CDH12: variants seen among roughly 807,000 people sequenced by gnomAD.
CDH12 encodes cadherin-12.
CDH12 carries 41 observed loss-of-function variants against 74.1 expected under a neutral mutation model. That is an observed-to-expected ratio of 0.55 (90% CI 0.43 to 0.72). The LOEUF is 0.72. CDH12 is among the 30% of genes least tolerant of loss of function. The probability of loss-of-function intolerance (pLI) is 0.00; values close to 1 mark genes in which losing one functional copy is unlikely to be tolerated. For missense variants in CDH12, 945 were observed against 977.2 expected (o/e 0.97, Z 0.44); for synonymous variants, 399 against 355.0 (o/e 1.12, Z -1.39).
chr5:22,735,214 A>G lies in CDH12; in HGVS notation c.-523+117844T>C, dbSNP rs75644237. Among the ~76,000 whole-genome samples the G allele has an allele frequency of 4.9e-3, 739 of 152,052 alleles. 4 individuals are homozygous for G. Among genetic ancestry groups the G allele is most frequent in the African/African-American group, 0.017 (706 of 41,538 alleles). ...ACCTATGTGATATGTGTAGCCGTACATTAAATGTGTGGCTATAGGAGCAGT... is the reference window on the plus strand; with the variant it reads ...ACCTATGTGATATGTGTAGCCGTACGTTAAATGTGTGGCTATAGGAGCAGT... On this transcript the variant is annotated intron_variant, in intron 1 of 14. Transcript: ENST00000382254.
At chr5:22,824,621 T>G (rs1466810312) in intron 1 of CDH12, among the ~76,000 whole-genome samples, 1 of 151,862 alleles carries the variant, frequency 6.6e-6, no homozygotes, top group Admixed American at 6.6e-5. Context: ...TAGTCAGGGA[T>G]TTTTAAAAAT....
chr5:22,375,132 C>T (rs1741465602), intron 3 of CDH12, among the ~76,000 whole-genome samples: 1 of 151,936 alleles, frequency 6.6e-6, no homozygotes. Flanking sequence ...AATAAAGAGT[C>T]CAGAAATAGA....
At chr5:22,560,654 C>A (rs1266498024) in intron 1 of CDH12, among the ~76,000 whole-genome samples, 1 of 151,366 alleles carries the variant, frequency 6.6e-6, no homozygotes, top group Non-Finnish European at 1.5e-5. Context: ...AAATCATTTC[C>A]ACCAAGAATT....
At chr5:22,492,602 C>T (rs1746927305) in intron 2 of CDH12, among the ~76,000 whole-genome samples, 1 of 152,144 alleles carries the variant, frequency 6.6e-6, no homozygotes, top group South Asian at 2.1e-4. Flanking sequence ...ATGCCTCAGC[C>T]TCCCAAAGTG....
intron 5 of CDH12, among the ~76,000 whole-genome samples, chr5:22,035,602 A>C (rs184316951): frequency 6.6e-6 from 1 of 152,022 alleles, no homozygotes. Flanking sequence ...AAATTAGAAT[A>C]TCAATCATCA....
At chr5:22,443,156 A>G (rs187183283) in intron 2 of CDH12, among the ~76,000 whole-genome samples, 5 of 152,298 alleles carry the variant, frequency 3.3e-5, no homozygotes, top group African/African-American at 1.2e-4. Flanking sequence ...CTTCTCAATC[A>G]AAGTAAGAGT....
chr5:22,661,706 A>T (rs1005719799), intron 1 of CDH12, among the ~76,000 whole-genome samples: 3 of 152,114 alleles, frequency 2.0e-5, no homozygotes, highest in Non-Finnish European at 2.9e-5. Flanking sequence ...ATGTAACACC[A>T]TTCCTCAATT....
intron 1 of CDH12, among the ~76,000 whole-genome samples, chr5:22,565,651 G>A (rs1323388840): frequency 6.6e-6 from 1 of 151,858 alleles, no homozygotes; most frequent in African/African-American, 2.4e-5. Context: ...ATCCTCTTGG[G>A]GGTATTTGCC....
chr5:21,793,977 CTT>C (rs986543335), intron 10 of CDH12, among the ~76,000 whole-genome samples: 1 of 150,420 alleles, frequency 6.6e-6, no homozygotes, highest in Admixed American at 6.7e-5. Flanking sequence ...GTTTCATATA[CTT>C]TGTGCAAAAT....
chr5:22,222,310 G>T (rs371103306), intron 3 of CDH12, among the ~76,000 whole-genome samples: 3 of 152,018 alleles, frequency 2.0e-5, no homozygotes, highest in South Asian at 4.1e-4. Context: ...ATTTAGTAAA[G>T]TTCTCTCCAA....
At chr5:22,586,652 T>G (rs1740418629) in intron 1 of CDH12, among the ~76,000 whole-genome samples, 1 of 151,910 alleles carries the variant, frequency 6.6e-6, no homozygotes, top group African/African-American at 2.4e-5. Flanking sequence ...TCTCATTTTC[T>G]CCTTCACACC....
At chr5:22,256,644 A>G (rs756619420) in intron 3 of CDH12, among the ~76,000 whole-genome samples, 4 of 152,160 alleles carry the variant, frequency 2.6e-5, no homozygotes, top group Non-Finnish European at 4.4e-5. Context: ...TGCCAGCTCC[A>G]TGACTATTAC....
intron 6 of CDH12, among the ~76,000 whole-genome samples, chr5:21,910,628 G>A (rs1221070753): frequency 2.0e-5 from 3 of 151,894 alleles, no homozygotes; most frequent in Non-Finnish European, 2.9e-5. Context: ...CAAAAGAAGT[G>A]GGAACATGTG....
At chr5:22,746,605 A>G (rs980865813) in intron 1 of CDH12, among the ~76,000 whole-genome samples, 1 of 152,232 alleles carries the variant, frequency 6.6e-6, no homozygotes, top group Admixed American at 6.5e-5. Flanking sequence ...TTTAGGATAA[A>G]TGCAATATAT....
intron 1 of CDH12, among the ~76,000 whole-genome samples, chr5:22,736,160 A>C (rs1744708849): frequency 6.6e-6 from 1 of 151,856 alleles, no homozygotes; most frequent in Non-Finnish European, 1.5e-5. Context: ...TTTTGTATGC[A>C]AGAATAAAAA....
At chr5:22,022,941 G>C (rs191832974) in intron 5 of CDH12, among the ~76,000 whole-genome samples, 1 of 151,386 alleles carries the variant, frequency 6.6e-6, no homozygotes, top group East Asian at 1.9e-4. Flanking sequence ...TAATCTAACT[G>C]GTTTCCCTTC....
At chr5:22,245,490 G>A (rs1443683671) in intron 3 of CDH12, among the ~76,000 whole-genome samples, 3 of 151,980 alleles carry the variant, frequency 2.0e-5, no homozygotes, top group Non-Finnish European at 4.4e-5. Context: ...GATAGTAAGC[G>A]ATAGATGCTA....
At chr5:22,668,243 A>G (rs1740719382) in intron 1 of CDH12, among the ~76,000 whole-genome samples, 1 of 152,194 alleles carries the variant, frequency 6.6e-6, no homozygotes, top group Admixed American at 6.5e-5. Context: ...CTCATTGAAG[A>G]AACAATGTCC....
intron 2 of CDH12, among the ~76,000 whole-genome samples, chr5:22,435,675 G>A (rs1561402349): frequency 6.6e-6 from 1 of 151,968 alleles, no homozygotes; most frequent in Non-Finnish European, 1.5e-5. Context: ...TTAGCCACGA[G>A]ATTCGAAATT....
Sources: gnomAD v4.1 joint callset for allele counts (sites outside exome capture counted in the v4.1 genomes callset) on GRCh38, gnomAD v4.1.1 for gene constraint, MANE v1.5 for transcripts, NCBI Gene and HGNC (gene_info 2026-07-23, HGNC 2026-07-21) for gene names.